Variants in PRIM2 observed in about 807,000 individuals in gnomAD.
PRIM2 encodes DNA primase large subunit.
Under a neutral mutation model 67.3 loss-of-function variants are expected in PRIM2, and 39 were observed. The observed-to-expected ratio is 0.58, with a 90% CI of 0.45 to 0.76. PRIM2 has a LOEUF of 0.76. Ranked by LOEUF, PRIM2 falls within the 30% of genes least tolerant of loss-of-function variation. PRIM2 has a pLI of 0.00. For synonymous variants in PRIM2, 143 were observed against 198.7 expected (o/e 0.72, Z 2.36); for missense variants, 398 against 598.7 (o/e 0.66, Z 3.50).
intron 7 of PRIM2, among the ~76,000 whole-genome samples, chr6:57,498,992 T>C (rs1424308319): frequency 2.6e-5 from 4 of 152,178 alleles, no homozygotes; most frequent in African/African-American, 9.7e-5. Flanking sequence ...ACAATTCTAC[T>C]TCAAAATAGC....
chr6:57,558,874 T>G (rs1329792492), intron 10 of PRIM2, among the ~76,000 whole-genome samples: 3 of 152,084 alleles, frequency 2.0e-5, no homozygotes, highest in Non-Finnish European at 4.4e-5. Context: ...ACACCTATAA[T>G]CTCAGTGCTG....
At chr6:57,638,242 T>G (rs1777158393) in intron 13 of PRIM2, among the ~76,000 whole-genome samples, 1 of 152,258 alleles carries the variant, frequency 6.6e-6, no homozygotes, top group Admixed American at 6.5e-5. Flanking sequence ...CAAGAGCTCC[T>G]AATGGAGGCA....
In PRIM2 at chr6:57,324,396, C is replaced by T. The variant is rs1226516899; in HGVS notation, c.338+116C>T. 93 of 551,366 alleles carry T rather than the reference C, an allele frequency of 1.7e-4. 1 individual carries two copies. The East Asian group carries it at 2.6e-3, about 15-fold the overall frequency. The allele number at this position is 551,366 out of a possible 1,614,324, so 34.2% of individuals were successfully genotyped here. ...GAAAACCCAGAATAACATCAGGAGC[C>T]GGTTGATCATGGGGTTGAACACTGA... is the stretch of plus-strand genomic sequence containing the variant. On this transcript the variant is annotated intron_variant, in intron 4 of 13. Coordinates refer to ENST00000615550, the MANE Select transcript of PRIM2 (RefSeq NM_000947.5).
At chr6:57,500,044 C>T (rs1193899454) in intron 7 of PRIM2, among the ~76,000 whole-genome samples, 1 of 152,222 alleles carries the variant, frequency 6.6e-6, no homozygotes. Context: ...TTCCCACCTT[C>T]CTCTTCTGTA....
At chr6:57,353,418 A>G (rs9349854) in intron 5 of PRIM2, among the ~76,000 whole-genome samples, 1 of 152,160 alleles carries the variant, frequency 6.6e-6, no homozygotes, top group South Asian at 2.1e-4. Context: ...TACTTTTAAA[A>G]TTCTGTCTCT....
intron 5 of PRIM2, among the ~76,000 whole-genome samples, chr6:57,371,552 T>C (rs1231523599): frequency 6.6e-6 from 1 of 152,210 alleles, no homozygotes; most frequent in Non-Finnish European, 1.5e-5. Flanking sequence ...AGGCAAGATT[T>C]ATTTGGGCAA....
chr6:57,472,393 C>CAAAA (rs1281311931), intron 7 of PRIM2, among the ~76,000 whole-genome samples: 1 of 136,114 alleles, frequency 7.3e-6, no homozygotes. Context: ...TTGCGTGTGT[C>CAAAA]AAAAAAAAAA....
chr6:57,611,720 TG>T (rs2127494419), intron 12 of PRIM2, among the ~76,000 whole-genome samples: 1 of 152,268 alleles, frequency 6.6e-6, no homozygotes, highest in African/African-American at 2.4e-5. Flanking sequence ...ACCTTGGGTT[TG>T]GTGTGTTCCC....
At chr6:57,237,050 A>G in the PRIM2 span, among the ~76,000 whole-genome samples, 1 of 151,868 alleles carries the variant, frequency 6.6e-6, no homozygotes, top group African/African-American at 2.4e-5. Flanking sequence ...AAGTGTTCCT[A>G]TTTCTCCACA....
At chr6:57,310,374 T>C (rs926086837), upstream of PRIM2, among the ~76,000 whole-genome samples, 5 of 152,324 alleles carry the variant, frequency 3.3e-5, no homozygotes, top group African/African-American at 1.2e-4. Flanking sequence ...GAGGGTAAGG[T>C]TATAGATTAA....
chr6:57,543,065 G>A (rs1361562185), intron 10 of PRIM2, among the ~76,000 whole-genome samples: 10,165 of 145,354 alleles, frequency 0.07, 504 homozygotes, highest in East Asian at 0.21. Context: ...TCAGCCTCCC[G>A]AGTAGCTGGG....
rs780827017 is a variant in PRIM2, at chr6:57,320,507, C to A, written c.205C>A (p.Gln69Lys). 1.2e-6 allele frequency: 2 copies of A among 1,610,010 alleles called. No individual in the cohort carries two copies. The highest frequency in any genetic ancestry group is 1.7e-5 in the Admixed American group (1 of 59,766). The change falls in exon 3 of 14, where the codon CAA becomes AAA. Residue 69 changes from glutamine (Q) to lysine (K), a missense_variant. Physicochemically the swap from Gln to Lys is moderately conservative, Grantham distance 53 (BLOSUM62 1). Coordinates refer to ENST00000615550, the MANE Select transcript of PRIM2 (RefSeq NM_000947.5). ...LGVSYVKGTE[Q>K]YQSKLESELR... Reference sequence around the variant, plus strand: ...AGTGAGCTATGTGAAAGGAACTGAACAATACCAGAGTAAGTTGGAGAGTGA... The same window carrying A: ...AGTGAGCTATGTGAAAGGAACTGAAAAATACCAGAGTAAGTTGGAGAGTGA...
intron 7 of PRIM2, among the ~76,000 whole-genome samples, chr6:57,427,980 A>G (rs1318366032): frequency 1.3e-5 from 2 of 152,134 alleles, no homozygotes; most frequent in African/African-American, 4.8e-5. Context: ...GAAAACTCAC[A>G]TGGTGATTGT....
chr6:57,489,428 G>C (rs1257720299), intron 7 of PRIM2, among the ~76,000 whole-genome samples: 1 of 152,290 alleles, frequency 6.6e-6, no homozygotes, highest in Admixed American at 6.5e-5. Context: ...GTGGTGGTGG[G>C]CACCTGTAGT....
At chr6:57,373,550 A>G (rs533661708) in intron 5 of PRIM2, among the ~76,000 whole-genome samples, 26 of 151,980 alleles carry the variant, frequency 1.7e-4, no homozygotes, top group Non-Finnish European at 3.7e-4. Flanking sequence ...CTGATTGGTA[A>G]TGCCAATTCT....
chr6:57,273,205 A>G, the PRIM2 span, among the ~76,000 whole-genome samples: 4 of 152,154 alleles, frequency 2.6e-5, no homozygotes, highest in Non-Finnish European at 1.5e-5. Context: ...TCTCCTGGAT[A>G]ATATCCTGCA....
intron 5 of PRIM2, among the ~76,000 whole-genome samples, chr6:57,348,510 T>A (rs1304005748): frequency 2.6e-5 from 4 of 152,266 alleles, no homozygotes; most frequent in Admixed American, 2.6e-4. Context: ...AAGCCTACTG[T>A]TTCAAACTGA....
At chr6:57,355,522 C>G (rs1485700265) in intron 5 of PRIM2, among the ~76,000 whole-genome samples, 1 of 152,108 alleles carries the variant, frequency 6.6e-6, no homozygotes, top group Non-Finnish European at 1.5e-5. Context: ...AGGCACCCAG[C>G]CTTTGTATTC....
At chr6:57,603,782 A>G (rs1776513551) in intron 11 of PRIM2, among the ~76,000 whole-genome samples, 2 of 151,590 alleles carry the variant, frequency 1.3e-5, no homozygotes, top group African/African-American at 4.9e-5. Context: ...TGGTATGGCC[A>G]TTTTAATGAC....
Sources: allele counts gnomAD v4.1 joint callset (sites outside exome capture counted in the v4.1 genomes callset), GRCh38; gene constraint gnomAD v4.1.1; transcripts MANE v1.5; gene names NCBI Gene and HGNC (gene_info 2026-07-23, HGNC 2026-07-21).